Variants in XKR4 observed in about 807,000 individuals in gnomAD.
The protein encoded by XKR4 is XK related 4.
Under a neutral mutation model 53.9 loss-of-function variants are expected in XKR4, and 12 were observed. The observed-to-expected ratio is 0.22, with a 90% CI of 0.14 to 0.36. XKR4 has a LOEUF of 0.36. Ranked by LOEUF, XKR4 falls within the 10% of genes least tolerant of loss-of-function variation. The pLI is 1.00. For missense variants in XKR4, 799 were observed against 859.5 expected, an observed-to-expected ratio of 0.93 and a Z score of 0.88; for synonymous variants, 354 against 362.4, an observed-to-expected ratio of 0.98 and a Z score of 0.26.
chr8:55,471,076 T>C (rs933076819), intron 2 of XKR4, among the ~76,000 whole-genome samples: 4 of 152,126 alleles, frequency 2.6e-5, no homozygotes, highest in Non-Finnish European at 5.9e-5. Flanking sequence ...ACTAGCCACA[T>C]TGAAAATTAA....
intron 1 of XKR4, among the ~76,000 whole-genome samples, chr8:55,339,774 A>C (rs1803513488): frequency 6.6e-6 from 1 of 152,238 alleles, no homozygotes; most frequent in South Asian, 2.1e-4. Context: ...TTAATATTTA[A>C]TATGTCATCA....
At chr8:55,276,403 T>C (rs1818764858) in intron 1 of XKR4, among the ~76,000 whole-genome samples, 1 of 152,220 alleles carries the variant, frequency 6.6e-6, no homozygotes, top group South Asian at 2.1e-4. Flanking sequence ...CTAACTCCCT[T>C]TGCTCAAGTA....
At chr8:55,402,904 G>T (rs941591095) in intron 2 of XKR4, among the ~76,000 whole-genome samples, 1 of 152,172 alleles carries the variant, frequency 6.6e-6, no homozygotes, top group East Asian at 1.9e-4. Flanking sequence ...CTAAGTCAGG[G>T]TGTGCAGCCA....
intron 1 of XKR4, among the ~76,000 whole-genome samples, chr8:55,255,692 C>T (rs1398329207): frequency 4.0e-5 from 6 of 151,712 alleles, no homozygotes; most frequent in Non-Finnish European, 7.4e-5. Context: ...AAAAGTAAGC[C>T]CCTCGAGAAA....
chr8:55,159,972 G>A (rs76963757), intron 1 of XKR4, among the ~76,000 whole-genome samples: 4,737 of 152,288 alleles, frequency 0.031, 244 homozygotes, highest in African/African-American at 0.11. Context: ...TAAAAGTCAG[G>A]ATGTGGGGAG....
chr8:55,299,137 T>C (rs1819143869), intron 1 of XKR4, among the ~76,000 whole-genome samples: 2 of 152,198 alleles, frequency 1.3e-5, no homozygotes, highest in South Asian at 4.2e-4. Flanking sequence ...TTTATTTCTC[T>C]TTCATTACAT....
chr8:55,418,229 T>C (rs1285252818), intron 2 of XKR4, among the ~76,000 whole-genome samples: 1 of 152,176 alleles, frequency 6.6e-6, no homozygotes, highest in African/African-American at 2.4e-5. Context: ...GGGGTGTGGA[T>C]AGCCGTGGCA....
intron 2 of XKR4, among the ~76,000 whole-genome samples, chr8:55,398,672 G>C (rs920413282): frequency 6.6e-6 from 1 of 152,140 alleles, no homozygotes; most frequent in African/African-American, 2.4e-5. Flanking sequence ...TCAAGCATCA[G>C]ATTAATAACA....
At chr8:55,120,082 G>T (rs1035900863) in intron 1 of XKR4, among the ~76,000 whole-genome samples, 2 of 152,170 alleles carry the variant, frequency 1.3e-5, no homozygotes, top group Non-Finnish European at 2.9e-5. Context: ...AAGTCAGAAG[G>T]AGGGTTTGTT....
At chr8:55,193,567 C>A (rs1817470142) in intron 1 of XKR4, among the ~76,000 whole-genome samples, 1 of 152,210 alleles carries the variant, frequency 6.6e-6, no homozygotes, top group Non-Finnish European at 1.5e-5. Context: ...GTCCATGCGC[C>A]TGTGCTCACC....
intron 1 of XKR4, among the ~76,000 whole-genome samples, chr8:55,160,944 T>A (rs978795624): frequency 1.3e-5 from 2 of 152,214 alleles, no homozygotes; most frequent in East Asian, 3.9e-4. Flanking sequence ...TTTCGGTGGG[T>A]GGAGTTTTTC....
At chr8:55,284,573 G>T (rs1022607659) in intron 1 of XKR4, among the ~76,000 whole-genome samples, 1 of 152,182 alleles carries the variant, frequency 6.6e-6, no homozygotes, top group Non-Finnish European at 1.5e-5. Context: ...CTACTTGAGT[G>T]TCCTTGTGAC....
chr8:55,464,097 A>G (rs1015088608), intron 2 of XKR4, among the ~76,000 whole-genome samples: 58 of 152,330 alleles, frequency 3.8e-4, no homozygotes, highest in Admixed American at 6.5e-4. Context: ...ATCTATAGAA[A>G]AAGAGGGAAT....
intron 2 of XKR4, among the ~76,000 whole-genome samples, chr8:55,411,530 A>T (rs931902258): frequency 3.3e-5 from 5 of 152,234 alleles, no homozygotes; most frequent in Admixed American, 2.0e-4. Context: ...TCTAAGAATG[A>T]TGTGAGGTTG....
intron 1 of XKR4, among the ~76,000 whole-genome samples, chr8:55,157,162 G>A (rs554927197): frequency 6.6e-6 from 1 of 152,212 alleles, no homozygotes; most frequent in African/African-American, 2.4e-5. Flanking sequence ...GAACCTTTAT[G>A]ATTTTTAAAA....
rs115064050 is a variant in XKR4, at chr8:55,426,461, G to A, written c.1006+68584G>A. On this transcript the variant is annotated intron_variant, in intron 2 of 2. Transcript: ENST00000327381. Reference sequence around the variant, plus strand: ...TGCCCTTACTGTACATTCCTTTAAGGTTCTGTCCATACATTTATCACGGAA... The same window carrying A: ...TGCCCTTACTGTACATTCCTTTAAGATTCTGTCCATACATTTATCACGGAA... 3.2e-4 allele frequency among the ~76,000 whole-genome samples: 49 copies of A among 151,972 alleles called. 1 individual carries two copies. Among genetic ancestry groups the A allele is most frequent in the African/African-American group, 1.1e-3 (47 of 41,388 alleles).
At position 55,538,277 on chromosome 8, in the gene XKR4, G is replaced by A. The variant is rs1807058337; in HGVS notation, c.*14050G>A. ...TCATTTTCCCCATATGCAAAAGAGA[G>A]ATATTTATTTACCTACCTCATAGGG... On this transcript the variant is annotated 3_prime_UTR_variant, in exon 3 of 3. Transcript: ENST00000327381. 2 of 152,158 alleles carry A rather than the reference G, an allele frequency of 1.3e-5. No homozygotes were observed. The highest frequency in any genetic ancestry group is 4.1e-4 in the South Asian group (2 of 4,826). The allele number at this position is 152,158 out of a possible 1,614,324, so 9.4% of individuals were successfully genotyped here. A position where few individuals can be genotyped will look rare whatever the true frequency, so the allele number is the denominator to read the frequency against.
chr8:55,293,669 C>A (rs990648866), intron 1 of XKR4, among the ~76,000 whole-genome samples: 1 of 152,040 alleles, frequency 6.6e-6, no homozygotes, highest in Non-Finnish European at 1.5e-5. Flanking sequence ...ACTGTAAAAG[C>A]TTTACCCATT....
At chr8:55,507,332 T>A (rs183366119) in intron 2 of XKR4, among the ~76,000 whole-genome samples, 1 of 151,612 alleles carries the variant, frequency 6.6e-6, no homozygotes, top group African/African-American at 2.4e-5. Context: ...TCCATTTTCT[T>A]TTTTTTTATT....
Sources: gnomAD v4.1 joint callset for allele counts (sites outside exome capture counted in the v4.1 genomes callset) on GRCh38, gnomAD v4.1.1 for gene constraint, MANE v1.5 for transcripts, NCBI Gene and HGNC (gene_info 2026-07-23, HGNC 2026-07-21) for gene names.